Variants in SNAP25 observed in about 807,000 individuals in gnomAD.
SNAP25 encodes synaptosome associated protein 25.
In SNAP25, 3 loss-of-function variants were observed where a neutral mutation model predicts 28.7. The ratio of observed to expected loss-of-function variants is 0.10; its 90% CI spans 0.05 to 0.27. SNAP25 has a LOEUF of 0.27. Among genes scored for constraint, SNAP25 ranks in the 10% least tolerant of loss-of-function variants. The pLI, the probability that SNAP25 is intolerant of heterozygous loss-of-function variation, is 1.00. For synonymous variants in SNAP25, 61 were observed against 88.1 expected (o/e 0.69, Z 1.72); for missense variants, 117 against 278.7 (o/e 0.42, Z 4.13).
chr20:10,245,075 G>A (rs1160519142), intron 1 of SNAP25, among the ~76,000 whole-genome samples: 1 of 152,098 alleles, frequency 6.6e-6, no homozygotes, highest in Non-Finnish European at 1.5e-5. Flanking sequence ...ACAGGAGAGA[G>A]GGGCCAGGGT....
intron 5 of SNAP25, among the ~76,000 whole-genome samples, chr20:10,295,748 T>C (rs2064096191): frequency 6.6e-6 from 1 of 152,214 alleles, no homozygotes; most frequent in African/African-American, 2.4e-5. Context: ...AAAAAGCATA[T>C]GGTTTCTACT....
chr20:10,236,841 A>G (rs1193474402), intron 1 of SNAP25, among the ~76,000 whole-genome samples: 2 of 151,890 alleles, frequency 1.3e-5, no homozygotes, highest in Non-Finnish European at 2.9e-5. Flanking sequence ...CTGGCTGTAC[A>G]TTTGCTCGAC....
rs536399482 is a variant in SNAP25, at chr20:10,271,365, C to T, written c.-63-4064C>T. Among the ~76,000 whole-genome samples the T allele has an allele frequency of 8.5e-5, 13 of 152,336 alleles. No homozygotes were observed. In the East Asian group the frequency reaches 9.7e-4, roughly 11 times the overall value. On this transcript the variant is annotated intron_variant, in intron 1 of 7. Coordinates refer to ENST00000254976, the MANE Select transcript of SNAP25 (RefSeq NM_130811.4). ...ACAGAAGATCTGGAGGTACGCTCAGCGCCCACTCTCCAGCCGTTCTTATTA... is the reference window on the plus strand; with the variant it reads ...ACAGAAGATCTGGAGGTACGCTCAGTGCCCACTCTCCAGCCGTTCTTATTA...
At position 10,244,476 on chromosome 20, in the gene SNAP25, A is replaced by G. The variant is rs184200624; in HGVS notation, c.-64+25499A>G. The stretch of plus-strand genomic sequence containing the variant: ...AGGAACTATTATCACTGTTTTACCC[A>G]TTAGGAAACTGAGGCACAGTGAGGT... On this transcript the variant is annotated intron_variant, in intron 1 of 7. Coordinates refer to ENST00000254976, the MANE Select transcript of SNAP25 (RefSeq NM_130811.4). 3.2e-3 allele frequency among the ~76,000 whole-genome samples: 482 copies of G among 152,360 alleles called. 1 individual carries two copies. Among genetic ancestry groups the G allele is most frequent in the Middle Eastern group, 0.014 (4 of 294 alleles).
intron 1 of SNAP25, among the ~76,000 whole-genome samples, chr20:10,258,911 T>G (rs941043788): frequency 6.6e-6 from 1 of 152,206 alleles, no homozygotes; most frequent in African/African-American, 2.4e-5. Context: ...TAATGATCTA[T>G]AAAATTCTAG....
Position 10,275,474 on chromosome 20 carries a change from C to G in SNAP25, c.-18C>G, listed in dbSNP as rs760050403. On this transcript the variant is annotated 5_prime_UTR_variant, in exon 2 of 8. Transcript: ENST00000254976. ...CTGACCCCCCAGCCCAGGCGCCCAGCCACTCCCCACCGCTACCATGGCCGA... is the reference window on the plus strand; with the variant it reads ...CTGACCCCCCAGCCCAGGCGCCCAGGCACTCCCCACCGCTACCATGGCCGA... 5 of 1,594,196 alleles carry G rather than the reference C, an allele frequency of 3.1e-6. No homozygotes were observed. The highest frequency in any genetic ancestry group is 4.3e-6 in the Non-Finnish European group (5 of 1,169,874).
At chr20:10,251,983 A>T (rs1289103635) in intron 1 of SNAP25, among the ~76,000 whole-genome samples, 1 of 152,202 alleles carries the variant, frequency 6.6e-6, no homozygotes, top group Non-Finnish European at 1.5e-5. Context: ...CCAAACCAGG[A>T]TGAGCAAAGT....
At chr20:10,220,114 A>C (rs1320484502) in intron 1 of SNAP25, among the ~76,000 whole-genome samples, 1 of 152,212 alleles carries the variant, frequency 6.6e-6, no homozygotes, top group Non-Finnish European at 1.5e-5. Flanking sequence ...TGAAGAAGCC[A>C]ATGCTATCTG....
chr20:10,306,227 C>A lies in SNAP25; in HGVS notation c.*30C>A, dbSNP rs1437626161. The A allele has an allele frequency of 1.9e-6, 3 of 1,607,108 alleles. No homozygotes were observed. Among genetic ancestry groups the A allele is most frequent in the Non-Finnish European group, 2.6e-6 (3 of 1,174,312 alleles). ...GCCCACCCGTGTTCTCCTCCAAATG[C>A]TGTCGGGCAAGATAGCTCCTTCATG... On this transcript the variant is annotated 3_prime_UTR_variant, in exon 8 of 8. Transcript: ENST00000254976.
At chr20:10,299,145 TG>T in intron 6 of SNAP25, 122 bp from the exon 7 acceptor site, 1 of 1,109,724 alleles carries the variant, frequency 9.0e-7, no homozygotes, top group Non-Finnish European at 1.3e-6. Context: ...TTGTACTGGA[TG>T]GAGATTAAAG....
At chr20:10,280,117 C>A (rs2063754144) in intron 3 of SNAP25, among the ~76,000 whole-genome samples, 1 of 152,206 alleles carries the variant, frequency 6.6e-6, no homozygotes, top group Non-Finnish European at 1.5e-5. Context: ...TATTGAAATT[C>A]AGTCTCAAAG....
chr20:10,226,507 T>C (rs560550748), intron 1 of SNAP25, among the ~76,000 whole-genome samples: 1 of 152,242 alleles, frequency 6.6e-6, no homozygotes, highest in East Asian at 1.9e-4. Context: ...GTCAGAGCTG[T>C]AAATAAAATC....
chr20:10,294,083 C>T (rs925246033), intron 5 of SNAP25, among the ~76,000 whole-genome samples: 5 of 152,180 alleles, frequency 3.3e-5, no homozygotes, highest in African/African-American at 4.8e-5. Flanking sequence ...AAGATTGTCT[C>T]ATTTGACTAG....
chr20:10,261,316 G>A (rs2063410876), intron 1 of SNAP25, among the ~76,000 whole-genome samples: 1 of 152,098 alleles, frequency 6.6e-6, no homozygotes, highest in African/African-American at 2.4e-5. Flanking sequence ...CAGGATAAAG[G>A]TACCTACACA....
At chr20:10,246,252 C>CGTGTGT (rs1568585518) in intron 1 of SNAP25, among the ~76,000 whole-genome samples, 1 of 152,040 alleles carries the variant, frequency 6.6e-6, no homozygotes, top group Admixed American at 6.6e-5. Context: ...TGGGTGTATG[C>CGTGTGT]GTGTGTGTGT....
At chr20:10,273,566 A>G (rs1364794594) in intron 1 of SNAP25, among the ~76,000 whole-genome samples, 2 of 152,118 alleles carry the variant, frequency 1.3e-5, no homozygotes, top group Non-Finnish European at 2.9e-5. Context: ...TTAAGACTGT[A>G]TTTCTGGCAG....
rs145055896 is a variant in SNAP25 at position 10,283,590 on chromosome 20, AT to A, written c.115-1129del. On this transcript the variant is annotated intron_variant, in intron 3 of 7. Transcript: ENST00000254976. Reference sequence around the variant, plus strand: ...TCACAGAAATCATTTTCAGCATTTTATTTTTCAGAAGCACTATTGAAATTTA... The same window carrying A: ...TCACAGAAATCATTTTCAGCATTTTATTTTCAGAAGCACTATTGAAATTTA... 9.8e-3 allele frequency among the ~76,000 whole-genome samples: 1,500 copies of A among 152,306 alleles called. 16 individuals carry two copies. Among genetic ancestry groups the A allele is most frequent in the African/African-American group, 0.03 (1,254 of 41,578 alleles).
At chr20:10,302,165 G>T (rs574808096) in intron 7 of SNAP25, among the ~76,000 whole-genome samples, 1 of 152,198 alleles carries the variant, frequency 6.6e-6, no homozygotes, top group South Asian at 2.1e-4. Flanking sequence ...GTTCCAGGCT[G>T]CAGTGAGCTA....
At chr20:10,286,872 GA>G (rs1471664255) in intron 4 of SNAP25, among the ~76,000 whole-genome samples, 1 of 152,096 alleles carries the variant, frequency 6.6e-6, no homozygotes, top group Non-Finnish European at 1.5e-5. Flanking sequence ...AGTAGCAATG[GA>G]AGTCTTAAGA....
Sources: allele counts gnomAD v4.1 joint callset (sites outside exome capture counted in the v4.1 genomes callset), GRCh38; gene constraint gnomAD v4.1.1; transcripts MANE v1.5; gene names NCBI Gene and HGNC (gene_info 2026-07-23, HGNC 2026-07-21).